GRK5: variants seen among roughly 807,000 people sequenced by gnomAD.
The protein encoded by GRK5 is G protein-coupled receptor kinase 5.
In GRK5, 40 loss-of-function variants were observed where a neutral mutation model predicts 78.4. The observed-to-expected ratio is 0.51, with a 90% confidence interval of 0.40 to 0.66. GRK5 has a LOEUF of 0.66. GRK5 is among the 30% of genes least tolerant of loss of function. The pLI is 0.00. For missense variants in GRK5, 598 were observed against 759.9 expected (o/e 0.79, Z 2.50); for synonymous variants, 289 against 296.8 (o/e 0.97, Z 0.27).
intron 1 of GRK5, among the ~76,000 whole-genome samples, chr10:119,324,382 T>G (rs1850639072): frequency 6.6e-6 from 1 of 152,220 alleles, no homozygotes; most frequent in Admixed American, 6.5e-5. Context: ...ATCCCAGCAC[T>G]TTGGGAGGCC....
rs1029397183 is a variant in GRK5, at chr10:119,378,485, CT to C, written c.149-2329del. Among the ~76,000 whole-genome samples the C allele has an allele frequency of 6.6e-6, 1 of 152,222 alleles. No individual in the cohort carries two copies. The highest frequency in any genetic ancestry group is 2.4e-5 in the African/African-American group (1 of 41,456). On this transcript the variant is annotated intron_variant, in intron 2 of 15. Transcript: ENST00000392870. The surrounding 1 kb of genome is among the most constrained non-coding windows in gnomAD (Gnocchi z 4.5). The stretch of plus-strand genomic sequence containing the variant: ...TACGCTACTTAGACCGGGCGAATTC[CT>C]CCCAAAAAAACCTTGCCCTCAGGTA...
rs1227217660 is a variant in GRK5 at position 119,267,838 on chromosome 10, C to G, written c.53-58678C>G. ...CATGTCAGAAGATGGGTCCTCTCCA[C>G]CCCAGCTCCTCCACACTCCCCACCC... is the stretch of plus-strand genomic sequence containing the variant. On this transcript the variant is annotated intron_variant, in intron 1 of 15. Coordinates refer to ENST00000392870, the MANE Select transcript of GRK5 (RefSeq NM_005308.3). The surrounding 1 kb of genome is among the most constrained non-coding windows in gnomAD (Gnocchi z 4.1). 6.6e-6 allele frequency among the ~76,000 whole-genome samples: 1 copy of G among 152,138 alleles called. No homozygotes were observed. Among genetic ancestry groups the G allele is most frequent in the Admixed American group, 6.5e-5 (1 of 15,278 alleles).
intron 1 of GRK5, among the ~76,000 whole-genome samples, chr10:119,214,827 G>C (rs750418769): frequency 3.3e-5 from 5 of 152,180 alleles, no homozygotes; most frequent in Non-Finnish European, 5.9e-5. Context: ...GGCCAACACT[G>C]TTTTTATGAA....
chr10:119,207,881 C>A lies in GRK5; in HGVS notation c.-37C>A. ...CGGCAGCACCCCAGGCGCTGACAGC[C>A]CCGCCGGCCGGCTCCGTTGCTGACC... On this transcript the variant is annotated 5_prime_UTR_variant, in exon 1 of 16. Coordinates refer to ENST00000392870, the MANE Select transcript of GRK5 (RefSeq NM_005308.3). The A allele has an allele frequency of 1.9e-6, 3 of 1,575,132 alleles. No homozygotes were observed. The highest frequency in any genetic ancestry group is 2.6e-6 in the Non-Finnish European group (3 of 1,162,732).
At chr10:119,396,633 C>T in intron 3 of GRK5, 62 bp from the exon 4 acceptor site, 2 of 1,371,450 alleles carry the variant, frequency 1.5e-6, no homozygotes, top group Non-Finnish European at 2.1e-6. Context: ...CTGTGAGGTT[C>T]TGTAACTATA....
Position 119,436,679 on chromosome 10 carries a change from A to G in GRK5, c.767A>G (p.Lys256Arg). 3 of 1,614,226 alleles carry G rather than the reference A, an allele frequency of 1.9e-6. No homozygotes were observed. The highest frequency in any genetic ancestry group is 2.5e-6 in the Non-Finnish European group (3 of 1,180,042). Residue 256 changes from lysine to arginine, a missense_variant, in exon 9 of 16, where the codon AAG becomes AGG. Coordinates refer to ENST00000392870, the MANE Select transcript of GRK5 (RefSeq NM_005308.3). ...AACCTGGCCTATGCCTACGAGACCA[A>G]GGATGCACTGTGCTTGGTCCTGACC... is the stretch of plus-strand genomic sequence containing the variant. Reference protein sequence around the residue: ...VVNLAYAYETKDALCLVLTIM... With the variant: ...VVNLAYAYETRDALCLVLTIM...
intron 2 of GRK5, among the ~76,000 whole-genome samples, chr10:119,337,449 G>A (rs1237560821): frequency 6.6e-6 from 1 of 152,138 alleles, no homozygotes; most frequent in Non-Finnish European, 1.5e-5. Context: ...GGTTTGGTTC[G>A]TTCTGAAGGC....
intron 4 of GRK5, among the ~76,000 whole-genome samples, chr10:119,398,638 C>T (rs2133856519): frequency 6.6e-6 from 1 of 152,376 alleles, no homozygotes; most frequent in East Asian, 1.9e-4. Flanking sequence ...GTGTCAGGCA[C>T]CACTGTCTAT....
intron 2 of GRK5, among the ~76,000 whole-genome samples, chr10:119,338,309 T>C (rs1193539139): frequency 6.6e-6 from 1 of 152,152 alleles, no homozygotes; most frequent in Non-Finnish European, 1.5e-5. Flanking sequence ...GCTTTTTCAA[T>C]CTCCCTGTTT....
chr10:119,276,608 A>C (rs1235848208), intron 1 of GRK5, among the ~76,000 whole-genome samples: 1 of 152,228 alleles, frequency 6.6e-6, no homozygotes, highest in Non-Finnish European at 1.5e-5. Context: ...TCTTTTGGGT[A>C]TATACCCAGT....
intron 1 of GRK5, among the ~76,000 whole-genome samples, chr10:119,270,679 C>T (rs1444385633): frequency 6.6e-6 from 1 of 152,188 alleles, no homozygotes; most frequent in Non-Finnish European, 1.5e-5. Context: ...TGCAGAAGAC[C>T]CTCAAATGCT....
intron 13 of GRK5, among the ~76,000 whole-genome samples, chr10:119,451,220 T>C (rs1853278674): frequency 6.6e-6 from 1 of 150,934 alleles, no homozygotes; most frequent in Non-Finnish European, 1.5e-5. Context: ...GTGAGTGACA[T>C]CATCTTTTTC....
intron 1 of GRK5, among the ~76,000 whole-genome samples, chr10:119,220,824 C>A (rs1248330142): frequency 2.4e-4 from 30 of 127,188 alleles, no homozygotes; most frequent in South Asian, 7.7e-4. Flanking sequence ...GACAGAGGCT[C>A]AAAAAAAAAA....
intron 2 of GRK5, among the ~76,000 whole-genome samples, chr10:119,377,444 T>A (rs1004536843): frequency 2.0e-5 from 3 of 152,188 alleles, no homozygotes; most frequent in Non-Finnish European, 4.4e-5. Context: ...TAGGGATGAT[T>A]TTGTTTTTGT....
chr10:119,298,075 G>A (rs1222361068), intron 1 of GRK5, among the ~76,000 whole-genome samples: 1 of 152,136 alleles, frequency 6.6e-6, no homozygotes, highest in Non-Finnish European at 1.5e-5. Context: ...CAGCATTCTG[G>A]GGGAAGTGCC....
At chr10:119,377,756 A>G (rs911668260) in intron 2 of GRK5, among the ~76,000 whole-genome samples, 2 of 152,220 alleles carry the variant, frequency 1.3e-5, no homozygotes, top group African/African-American at 4.8e-5. Context: ...ACAATATGGC[A>G]CATGAAATCT....
intron 2 of GRK5, among the ~76,000 whole-genome samples, chr10:119,376,045 C>A (rs1851615690): frequency 6.6e-6 from 1 of 152,226 alleles, no homozygotes; most frequent in South Asian, 2.1e-4. Context: ...TGAATCCATT[C>A]CAGACTCCTG....
chr10:119,435,037 T>C (rs905402570), intron 8 of GRK5, among the ~76,000 whole-genome samples: 6 of 152,230 alleles, frequency 3.9e-5, no homozygotes, highest in African/African-American at 7.2e-5. Context: ...GAGCACTGCA[T>C]TGGCCCCTTT....
chr10:119,294,080 T>C (rs1160412792), intron 1 of GRK5, among the ~76,000 whole-genome samples: 3 of 152,070 alleles, frequency 2.0e-5, no homozygotes, highest in Non-Finnish European at 4.4e-5. Flanking sequence ...TTTCATGGTG[T>C]GAGGAGACGC....
Sources: gnomAD v4.1 joint callset for allele counts (sites outside exome capture counted in the v4.1 genomes callset) on GRCh38, gnomAD v4.1.1 for gene constraint, Gnocchi (gnomAD v3.1) non-coding constraint, MANE v1.5 for transcripts, NCBI Gene and HGNC (gene_info 2026-07-23, HGNC 2026-07-21) for gene names.